NTRK1: variants seen among roughly 807,000 people sequenced by gnomAD.
The protein encoded by NTRK1 is high affinity nerve growth factor receptor.
A neutral mutation model predicts 86.8 loss-of-function variants in NTRK1; 62 were observed. The ratio of observed to expected loss-of-function variants is 0.71; its 90% CI spans 0.58 to 0.88. NTRK1 has a LOEUF of 0.88. NTRK1 is among the 40% of genes least tolerant of loss of function. The pLI is 0.00. For synonymous variants in NTRK1, 469 were observed against 456.6 expected (o/e 1.03, Z -0.35); for missense variants, 967 against 1,078.4 (o/e 0.90, Z 1.45).
upstream of NTRK1, among the ~76,000 whole-genome samples, chr1:156,860,425 A>C (rs1308779203): frequency 6.6e-6 from 1 of 152,146 alleles, no homozygotes; most frequent in African/African-American, 2.4e-5. Context: ...AGTTCGGAGA[A>C]TGTTCTACCT....
intron 14 of NTRK1, among the ~76,000 whole-genome samples, chr1:156,878,154 G>A (rs1648032406): frequency 6.6e-6 from 1 of 152,176 alleles, no homozygotes; most frequent in South Asian, 2.1e-4. Context: ...CCCCTAGGAG[G>A]GACCATCTGT....
chr1:156,875,011 G>T lies in NTRK1; in HGVS notation c.1354+3G>T, dbSNP rs769925139. The T allele has an allele frequency of 6.2e-7, 1 of 1,603,858 alleles. No individual in the cohort carries two copies. The highest frequency in any genetic ancestry group is 8.5e-7 in the Non-Finnish European group (1 of 1,170,760). ...GAGAAACAAGTTTGGGATCAACCGT[G>T]AGTCGGGGCTGCAGAGGGCTGTCTG... On this transcript the variant is annotated splice_donor_region_variant and intron_variant, in intron 11 of 16. Transcript: ENST00000524377.
intron 2 of NTRK1, chr1:156,843,216 A>G: frequency 6.2e-7 from 1 of 1,614,050 alleles, no homozygotes; most frequent in Non-Finnish European, 8.5e-7. Context: ...GGCACCTCCC[A>G]TTCATCAGGG....
intron 2 of NTRK1, chr1:156,843,529 T>C: frequency 6.5e-7 from 1 of 1,546,650 alleles, no homozygotes; most frequent in Non-Finnish European, 8.9e-7. Flanking sequence ...CAGGAAGGAA[T>C]GAGCAACATC....
At chr1:156,871,236 G>T (rs886215482) in intron 6 of NTRK1, among the ~76,000 whole-genome samples, 5 of 152,136 alleles carry the variant, frequency 3.3e-5, no homozygotes, top group African/African-American at 1.2e-4. Context: ...CTACTGGTTA[G>T]ATTTTAGATT....
chr1:156,827,255 TTTTTTTATTTTTTTA>T (rs1654341767), intron 1 of NTRK1, among the ~76,000 whole-genome samples: 1 of 46,812 alleles, frequency 2.1e-5, no homozygotes, highest in Non-Finnish European at 3.7e-5. Flanking sequence ...TTAATTTTTA[TTTTTTTATTTTTTTA>T]TTTTTTTTTG....
rs750656916 is a variant in NTRK1, at chr1:156,873,865, G to T, written c.1083G>T (p.Leu361=). The T allele has an allele frequency of 1.3e-5, 21 of 1,602,772 alleles. No individual in the cohort carries two copies. Among genetic ancestry groups the T allele is most frequent in the Admixed American group, 1.7e-5 (1 of 58,702 alleles). The change falls in exon 8 of 17, where the codon CTG becomes CTT. Residue 361 remains leucine (L), a synonymous_variant. Transcript: ENST00000524377. ...PTHVNNGNYT[L]LAANPFGQAS... ...ACGTCAACAACGGCAACTACACGCTGCTGGCTGCCAACCCCTTCGGCCAGG... is the reference window on the plus strand; with the variant it reads ...ACGTCAACAACGGCAACTACACGCTTCTGGCTGCCAACCCCTTCGGCCAGG...
At chr1:156,849,243 C>G (rs759001767) in intron 2 of NTRK1, 2 of 1,613,474 alleles carry the variant, frequency 1.2e-6, no homozygotes, top group Non-Finnish European at 1.7e-6. Context: ...GTTGGGGTCT[C>G]ACAGGCGGCG....
intron 2 of NTRK1, chr1:156,848,961 C>T (rs1480423022): frequency 6.2e-7 from 1 of 1,602,414 alleles, no homozygotes; most frequent in East Asian, 2.3e-5. Context: ...AGGTCGCGGG[C>T]CTCCAGTGGC....
In NTRK1 at chr1:156,880,068, A is replaced by G. The variant is rs2102927440; in HGVS notation, c.2116A>G (p.Thr706Ala). 1 of 1,613,260 alleles carries G rather than the reference A, an allele frequency of 6.2e-7. No individual in the cohort carries two copies. The highest frequency in any genetic ancestry group is 8.5e-7 in the Non-Finnish European group (1 of 1,179,928). Residue 706 changes from threonine (T) to alanine (A), a missense_variant, in exon 16 of 17, where the codon ACC becomes GCC. Around this residue, in one of 2 missense-constraint regions of NTRK1, gnomAD observed 637 missense variants for 776.5 expected, o/e 0.82. Transcript: ENST00000524377. ...PESILYRKFT[T>A]ESDVWSFGVV... ...GAGCATCCTGTACCGTAAGTTCACCACCGAGAGCGACGTGTGGAGCTTCGG... is the reference window on the plus strand; with the variant it reads ...GAGCATCCTGTACCGTAAGTTCACCGCCGAGAGCGACGTGTGGAGCTTCGG...
chr1:156,858,407 G>T, upstream of NTRK1: 1 of 716,446 alleles, frequency 1.4e-6, no homozygotes, highest in South Asian at 1.5e-5. Context: ...CAGTTCTCCT[G>T]AGCGCTAACC....
chr1:156,876,376 C>CCTGT (rs754937705), intron 13 of NTRK1, 24 bp from the exon 14 acceptor site: 29 of 1,613,394 alleles, frequency 1.8e-5, no homozygotes, highest in Admixed American at 5.0e-5. Flanking sequence ...CCAACTCAGT[C>CCTGT]CTGTCCCTGC....
intron 6 of NTRK1, 112 bp downstream of exon 6, chr1:156,868,759 C>T (rs549289001): frequency 6.8e-7 from 1 of 1,467,030 alleles, no homozygotes; most frequent in Admixed American, 2.0e-5. Context: ...AAGGAGCACA[C>T]TGAGGTTGAG....
Position 156,868,547 on chromosome 1 carries a change from A to G in NTRK1, c.617A>G (p.Asp206Gly). Residue 206 changes from aspartate to glycine, a missense_variant, in exon 6 of 17, where the codon GAT becomes GGT. Asp to Gly is a moderately conservative substitution (Grantham distance 94). Around this residue, in one of 2 missense-constraint regions of NTRK1, gnomAD observed 330 missense variants for 302.0 expected, o/e 1.09. Coordinates refer to ENST00000524377, the MANE Select transcript of NTRK1 (RefSeq NM_002529.4). ...GTCCAGGTGCCCAATGCCTCGGTGG[A>G]TGTGGGGGACGACGTGCTGCTGCGG... ...LKVQVPNASVDVGDDVLLRCQ... is the reference protein window; with the variant it reads ...LKVQVPNASVGVGDDVLLRCQ... 2 of 1,558,330 alleles carry G rather than the reference A, an allele frequency of 1.3e-6. No homozygotes were observed. The highest frequency in any genetic ancestry group is 1.7e-6 in the Non-Finnish European group (2 of 1,150,774).
chr1:156,816,662 A>G (rs762914535), intron 1 of NTRK1: 2 of 1,601,932 alleles, frequency 1.2e-6, no homozygotes, highest in Non-Finnish European at 1.7e-6. Flanking sequence ...ATATCCTTCA[A>G]CTTCACACTT....
Position 156,850,546 on chromosome 1 carries a change from T to C in NTRK1, c.50+8353T>C, listed in dbSNP as rs1011616201. ...AATTTAAAACATTCTTTTTTTTTTTTTTTTTTTTTTTTTTTTTTTGAGATG... is the reference window on the plus strand; with the variant it reads ...AATTTAAAACATTCTTTTTTTTTTTCTTTTTTTTTTTTTTTTTTTGAGATG... On this transcript the variant is annotated intron_variant, in intron 2 of 16. Transcript: ENST00000392302. Among the ~76,000 whole-genome samples, 1,046 of 104,678 alleles carry C rather than the reference T, an allele frequency of 1.0e-2. 23 individuals carry two copies. Among genetic ancestry groups the C allele is most frequent in the African/African-American group, 0.042 (999 of 23,746 alleles). 68.7% of individuals were successfully genotyped at this position (104,678 alleles called of 152,430 possible).
chr1:156,843,066 G>C, intron 2 of NTRK1: 1 of 1,614,082 alleles, frequency 6.2e-7, no homozygotes, highest in African/African-American at 1.3e-5. Context: ...ATGCATTCCC[G>C]TGGGCTGGCC....
rs1655096663 is a variant in NTRK1 at position 156,848,801 on chromosome 1, G to A, written c.50+6608G>A. ...GGCCCTACCACGGAGTACAACTTGC[G>A]GGTCCTGGCTTCCTGGGTCTTCATA... On this transcript the variant is annotated intron_variant, in intron 2 of 16. Transcript: ENST00000392302. 3 of 1,230,830 alleles carry A rather than the reference G, an allele frequency of 2.4e-6. No homozygotes were observed. In the South Asian group the frequency reaches 4.6e-5, roughly 19 times the overall value. 76.2% of individuals were successfully genotyped at this position (1,230,830 alleles called of 1,614,324 possible). A position where few individuals can be genotyped will look rare whatever the true frequency, so the allele number is the denominator to read the frequency against.
At position 156,874,275 on chromosome 1, in the gene NTRK1, C is replaced by T. The variant is rs142804759; in HGVS notation, c.1178-108C>T. The T allele has an allele frequency of 1.8e-3, 2,719 of 1,528,508 alleles. 45 individuals carry two copies. The African/African-American group carries it at 0.033, about 18-fold the overall frequency. The allele number at this position is 1,528,508 out of a possible 1,614,324, so 94.7% of individuals were successfully genotyped here. On this transcript the variant is annotated intron_variant, in intron 8 of 16. Coordinates refer to ENST00000524377, the MANE Select transcript of NTRK1 (RefSeq NM_002529.4). ...AGCCCACCTCCATCCCCCCTCGTCCCATGAAGGAATGAGTCCCAGAGTAGG... is the reference window on the plus strand; with the variant it reads ...AGCCCACCTCCATCCCCCCTCGTCCTATGAAGGAATGAGTCCCAGAGTAGG...
Sources: gnomAD v4.1 joint callset for allele counts (sites outside exome capture counted in the v4.1 genomes callset) on GRCh38, gnomAD v4.1.1 for gene constraint, gnomAD v4.1.1 regional missense constraint, MANE v1.5 for transcripts, NCBI Gene and HGNC (gene_info 2026-07-23, HGNC 2026-07-21) for gene names.